Variants in ANXA4 observed in about 807,000 individuals in gnomAD.
ANXA4 encodes the protein annexin A4, also known as 35-beta calcimedin.
ANXA4 carries 39 observed loss-of-function variants against 49.8 expected under a neutral mutation model. The observed-to-expected ratio is 0.78, with a 90% CI of 0.61 to 1.02. The LOEUF is 1.02. Among genes scored for constraint, ANXA4 ranks in the 50% least tolerant of loss-of-function variants. The pLI, the probability that ANXA4 is intolerant of heterozygous loss-of-function variation, is 0.00. For missense variants in ANXA4, 360 were observed against 410.1 expected, an observed-to-expected ratio of 0.88 and a Z score of 1.05; for synonymous variants, 134 against 152.5, an observed-to-expected ratio of 0.88 and a Z score of 0.89.
chr2:69,783,307 G>A (rs932800977), intron 2 of ANXA4, among the ~76,000 whole-genome samples: 11 of 151,942 alleles, frequency 7.2e-5, no homozygotes, highest in African/African-American at 1.7e-4. Context: ...CACCTCCGTC[G>A]TAGGTTTAAG....
chr2:69,814,414 C>T (rs928813597), intron 8 of ANXA4, among the ~76,000 whole-genome samples: 3 of 134,492 alleles, frequency 2.2e-5, no homozygotes, highest in Non-Finnish European at 4.6e-5. Context: ...GGCATGATCT[C>T]GGCCCACTGC....
chr2:69,654,479 G>C (rs527981468), intron 2 of ANXA4, among the ~76,000 whole-genome samples: 21 of 152,216 alleles, frequency 1.4e-4, no homozygotes, highest in South Asian at 4.1e-4. Context: ...AGTTTATTGA[G>C]AGTTTTTAGC....
chr2:69,700,664 C>T (rs777228779), intron 2 of ANXA4, among the ~76,000 whole-genome samples: 3 of 152,162 alleles, frequency 2.0e-5, no homozygotes, highest in Non-Finnish European at 2.9e-5. Context: ...AGAGCTCAAA[C>T]CACCTTTTCA....
chr2:69,649,205 G>A (rs533533091), intron 1 of ANXA4, among the ~76,000 whole-genome samples: 258 of 152,094 alleles, frequency 1.7e-3, no homozygotes, highest in African/African-American at 6.1e-3. Context: ...CTTTTAAACT[G>A]AGCCTTGTCT....
At chr2:69,720,288 A>C (rs758243602) in intron 2 of ANXA4, among the ~76,000 whole-genome samples, 5 of 152,190 alleles carry the variant, frequency 3.3e-5, no homozygotes, top group Non-Finnish European at 7.3e-5. Flanking sequence ...GCACTGCTTC[A>C]AATCCCCCCG....
intron 1 of ANXA4, among the ~76,000 whole-genome samples, chr2:69,763,087 C>T (rs1256207235): frequency 6.6e-6 from 1 of 152,166 alleles, no homozygotes; most frequent in Non-Finnish European, 1.5e-5. Flanking sequence ...GTAAGTTCCT[C>T]ACGTGAATCA....
chr2:69,700,110 G>A (rs13405864), intron 2 of ANXA4: 5 of 152,226 alleles, frequency 3.3e-5, no homozygotes, highest in African/African-American at 1.2e-4. Flanking sequence ...ATGAGGAAAT[G>A]TAAATTTTTT....
chr2:69,667,792 A>G (rs1019085756), intron 2 of ANXA4, among the ~76,000 whole-genome samples: 1 of 152,198 alleles, frequency 6.6e-6, no homozygotes, highest in Admixed American at 6.6e-5. Context: ...TCCTGCTTAG[A>G]TGGGACTTGC....
chr2:69,679,108 A>AT (rs1355673453), intron 2 of ANXA4, among the ~76,000 whole-genome samples: 1 of 151,952 alleles, frequency 6.6e-6, no homozygotes, highest in African/African-American at 2.4e-5. Flanking sequence ...TATATGTAAT[A>AT]TTTTGTGGTT....
chr2:69,749,113 C>G (rs563750849), intron 1 of ANXA4, among the ~76,000 whole-genome samples: 1 of 152,166 alleles, frequency 6.6e-6, no homozygotes, highest in Non-Finnish European at 1.5e-5. Context: ...GAAGAACATA[C>G]AATGGCCCGG....
At chr2:69,796,220 ATTC>A (rs1290463131) in intron 3 of ANXA4, among the ~76,000 whole-genome samples, 3 of 152,180 alleles carry the variant, frequency 2.0e-5, no homozygotes, top group South Asian at 2.1e-4. Flanking sequence ...TGCCTGGGCA[ATTC>A]TTCTTAAAGT....
chr2:69,667,463 GAA>G (rs201263622), intron 2 of ANXA4, among the ~76,000 whole-genome samples: 11 of 130,978 alleles, frequency 8.4e-5, no homozygotes, highest in Admixed American at 3.7e-4. Context: ...CATCTGACCT[GAA>G]AAAAAAAAAA....
intron 2 of ANXA4, among the ~76,000 whole-genome samples, chr2:69,657,110 T>C (rs1230432763): frequency 6.6e-6 from 1 of 151,624 alleles, no homozygotes; most frequent in Non-Finnish European, 1.5e-5. Context: ...TTCTCCTGGC[T>C]CAGCCTCCCG....
upstream of ANXA4, chr2:69,644,067 G>GGAGGCCACACGGC: frequency 4.8e-6 from 1 of 206,220 alleles, no homozygotes; most frequent in Non-Finnish European, 8.7e-6. Context: ...CGGCAGCCGT[G>GGAGGCCACACGGC]TGGCCTCCAC....
intron 3 of ANXA4, among the ~76,000 whole-genome samples, chr2:69,790,260 A>G (rs57830265): frequency 0.24 from 36,918 of 151,946 alleles, 5,127 homozygotes; most frequent in African/African-American, 0.38. Flanking sequence ...AATGAAATCC[A>G]TAACTGCTGC....
chr2:69,763,618 T>C (rs908222954), intron 1 of ANXA4, among the ~76,000 whole-genome samples: 3 of 152,090 alleles, frequency 2.0e-5, no homozygotes, highest in Non-Finnish European at 2.9e-5. Context: ...CAAACTGATA[T>C]TATTTTTAAT....
At chr2:69,649,775 CTTTTTATT>C (rs934145482) in intron 1 of ANXA4, among the ~76,000 whole-genome samples, 65 of 151,096 alleles carry the variant, frequency 4.3e-4, no homozygotes, top group African/African-American at 1.3e-3. Context: ...CCACGTCTGG[CTTTTTATT>C]TTTTTATTTT....
intron 8 of ANXA4, among the ~76,000 whole-genome samples, chr2:69,813,786 G>T (rs1388779215): frequency 1.4e-5 from 2 of 143,966 alleles, no homozygotes; most frequent in East Asian, 4.0e-4. Context: ...TTGAGACAGG[G>T]TCTCACTGTC....
chr2:69,708,351 T>C (rs773156012), intron 2 of ANXA4, among the ~76,000 whole-genome samples: 81 of 152,304 alleles, frequency 5.3e-4, no homozygotes, highest in Non-Finnish European at 1.1e-3. Context: ...CTAGCCAGGA[T>C]AAAGACCATT....
Sources: allele counts gnomAD v4.1 joint callset (sites outside exome capture counted in the v4.1 genomes callset), GRCh38; gene constraint gnomAD v4.1.1; transcripts MANE v1.5; gene names NCBI Gene and HGNC (gene_info 2026-07-23, HGNC 2026-07-21).